The following CNTNAP2 variants were observed in gnomAD, a reference collection of about 807,000 sequenced individuals.
CNTNAP2 encodes contactin-associated protein-like 2.
A neutral mutation model predicts 155.2 loss-of-function variants in CNTNAP2; 98 were observed. The observed-to-expected ratio is 0.63, with a 90% CI of 0.54 to 0.75. CNTNAP2 has a LOEUF of 0.75. Ranked by LOEUF, CNTNAP2 falls within the 30% of genes least tolerant of loss-of-function variation. The pLI is 0.00. For missense variants in CNTNAP2, 1,727 were observed against 1,688.1 expected (o/e 1.02, Z -0.40); for synonymous variants, 651 against 631.2 (o/e 1.03, Z -0.47).
chr7:147,628,172 C>T (rs540717016), intron 12 of CNTNAP2, among the ~76,000 whole-genome samples: 9 of 152,260 alleles, frequency 5.9e-5, no homozygotes, highest in Non-Finnish European at 1.0e-4. Context: ...TCACCTAGCA[C>T]ATAGTCATTA....
At chr7:147,924,226 C>T (rs746495570) in intron 14 of CNTNAP2, among the ~76,000 whole-genome samples, 3 of 146,906 alleles carry the variant, frequency 2.0e-5, no homozygotes, top group Admixed American at 7.0e-5. Context: ...CCAACCTCTG[C>T]CTCCTGGGCT....
chr7:147,642,007 T>TGTGC lies in CNTNAP2; in HGVS notation c.2098+2705_2098+2708dup, dbSNP rs376485200. ...CTTTCACTTATCATAGGTGTGTGTG[T>TGTGC]GTGCGTGTGTGTGTGTGTGTGTGTT... On this transcript the variant is annotated intron_variant, in intron 13 of 23. Transcript: ENST00000361727. 5.2e-3 allele frequency among the ~76,000 whole-genome samples: 665 copies of TGTGC among 127,878 alleles called. 5 individuals are homozygous for TGTGC. The highest frequency in any genetic ancestry group is 0.019 in the African/African-American group (627 of 32,832). The allele number at this position is 127,878 out of a possible 152,430, so 83.9% of individuals were successfully genotyped here. A position where few individuals can be genotyped will look rare whatever the true frequency, so the allele number is the denominator to read the frequency against.
At chr7:146,276,959 G>GA (rs11381573) in intron 1 of CNTNAP2, among the ~76,000 whole-genome samples, 3,446 of 152,206 alleles carry the variant, frequency 0.023, 147 homozygotes, top group African/African-American at 0.079. Context: ...GACCTAATTT[G>GA]AAAAATGTCT....
At chr7:147,333,029 A>C (rs1446855323) in intron 9 of CNTNAP2, among the ~76,000 whole-genome samples, 1 of 152,176 alleles carries the variant, frequency 6.6e-6, no homozygotes, top group Non-Finnish European at 1.5e-5. Context: ...TTAAATGTGA[A>C]TGTGCAAGGG....
intron 15 of CNTNAP2, among the ~76,000 whole-genome samples, chr7:148,033,090 G>A (rs1286811202): frequency 6.6e-6 from 1 of 152,054 alleles, no homozygotes; most frequent in Non-Finnish European, 1.5e-5. Context: ...CACCTAGCGA[G>A]GGCTCATAGA....
chr7:146,500,155 C>T (rs985214007), intron 1 of CNTNAP2, among the ~76,000 whole-genome samples: 1 of 151,666 alleles, frequency 6.6e-6, no homozygotes, highest in African/African-American at 2.4e-5. Context: ...ATAGGTGTTA[C>T]CAAAACAGAT....
intron 1 of CNTNAP2, among the ~76,000 whole-genome samples, chr7:146,255,163 A>G (rs141671697): frequency 5.5e-4 from 84 of 152,312 alleles, no homozygotes; most frequent in African/African-American, 1.8e-3. Flanking sequence ...AACATGTTGA[A>G]TTTCGGCATA....
chr7:146,223,437 A>G (rs948576111), intron 1 of CNTNAP2, among the ~76,000 whole-genome samples: 3 of 152,208 alleles, frequency 2.0e-5, no homozygotes, highest in Non-Finnish European at 4.4e-5. Flanking sequence ...ACTTTGATCT[A>G]GAACACTGAG....
intron 13 of CNTNAP2, among the ~76,000 whole-genome samples, chr7:147,863,861 C>T (rs550542124): frequency 2.6e-5 from 4 of 151,476 alleles, no homozygotes; most frequent in East Asian, 2.0e-4. Context: ...CAAAAATTTT[C>T]TCCCATTCTG....
intron 13 of CNTNAP2, among the ~76,000 whole-genome samples, chr7:147,722,974 T>G (rs1195725540): frequency 1.3e-5 from 2 of 152,222 alleles, no homozygotes; most frequent in Admixed American, 6.6e-5. Flanking sequence ...ATGTTGATTC[T>G]TATCTCAAAA....
intron 11 of CNTNAP2, among the ~76,000 whole-genome samples, chr7:147,494,269 T>C (rs1485769530): frequency 6.6e-6 from 1 of 152,114 alleles, no homozygotes; most frequent in Non-Finnish European, 1.5e-5. Context: ...TAAATTACAC[T>C]GGATTAAAAT....
chr7:146,681,719 A>G (rs1332220730), intron 1 of CNTNAP2, among the ~76,000 whole-genome samples: 4 of 152,100 alleles, frequency 2.6e-5, no homozygotes, highest in Non-Finnish European at 2.9e-5. Context: ...CTGTACAACA[A>G]ACCTCCATGG....
At chr7:146,785,890 G>A (rs192739136) in intron 2 of CNTNAP2, among the ~76,000 whole-genome samples, 1 of 152,278 alleles carries the variant, frequency 6.6e-6, no homozygotes, top group Admixed American at 6.5e-5. Context: ...ACTTGTGCTG[G>A]CTTTTGGGTA....
At chr7:148,040,010 C>G (rs761062031) in intron 15 of CNTNAP2, among the ~76,000 whole-genome samples, 9 of 152,196 alleles carry the variant, frequency 5.9e-5, no homozygotes, top group Admixed American at 2.0e-4. Context: ...TATCCCTTCT[C>G]TCTCTAAATT....
At chr7:146,349,783 G>A (rs560642009) in intron 1 of CNTNAP2, among the ~76,000 whole-genome samples, 7 of 152,232 alleles carry the variant, frequency 4.6e-5, no homozygotes, top group Non-Finnish European at 1.0e-4. Context: ...CTTTAAGAAT[G>A]TTGAATATTG....
At chr7:148,097,767 C>T (rs1762454045) in intron 15 of CNTNAP2, among the ~76,000 whole-genome samples, 1 of 152,198 alleles carries the variant, frequency 6.6e-6, no homozygotes, top group Admixed American at 6.5e-5. Flanking sequence ...AGCTCTCAAA[C>T]TGGTGGAGAC....
At chr7:146,977,703 ATATTT>A (rs1437522667) in intron 3 of CNTNAP2, among the ~76,000 whole-genome samples, 2 of 152,204 alleles carry the variant, frequency 1.3e-5, no homozygotes, top group African/African-American at 2.4e-5. Context: ...CTTAGATACT[ATATTT>A]TATAATTTTT....
chr7:147,407,935 C>A (rs1797037774), intron 10 of CNTNAP2, among the ~76,000 whole-genome samples: 1 of 152,128 alleles, frequency 6.6e-6, no homozygotes, highest in South Asian at 2.1e-4. Context: ...ATAACCATGT[C>A]CCATTTCTGA....
chr7:146,280,203 G>A (rs1444681551), intron 1 of CNTNAP2, among the ~76,000 whole-genome samples: 1 of 152,076 alleles, frequency 6.6e-6, no homozygotes, highest in Non-Finnish European at 1.5e-5. Context: ...CCAAAATTCA[G>A]CTAAAATATG....
Sources: allele counts gnomAD v4.1 joint callset (sites outside exome capture counted in the v4.1 genomes callset), GRCh38; gene constraint gnomAD v4.1.1; transcripts MANE v1.5; gene names NCBI Gene and HGNC (gene_info 2026-07-23, HGNC 2026-07-21).